PPM1E: variants seen among roughly 807,000 people sequenced by gnomAD.
The protein encoded by PPM1E is protein phosphatase 1E.
A neutral mutation model predicts 65.9 loss-of-function variants in PPM1E; 20 were observed. The observed-to-expected ratio is 0.30, with a 90% CI of 0.21 to 0.44. The LOEUF (loss-of-function observed/expected upper bound fraction) is 0.44, where lower values mean the gene tolerates loss of function less well. PPM1E is among the 20% of genes least tolerant of loss of function. PPM1E has a pLI of 1.00. For missense variants in PPM1E, 713 were observed against 953.1 expected, an observed-to-expected ratio of 0.75 and a Z score of 3.32; for synonymous variants, 352 against 374.9, an observed-to-expected ratio of 0.94 and a Z score of 0.70.
chr17:58,860,200 TTGCAGGCTTTGAAAGGGTATGAAG>T (rs1275860197), intron 1 of PPM1E, among the ~76,000 whole-genome samples: 1 of 152,172 alleles, frequency 6.6e-6, no homozygotes, highest in Non-Finnish European at 1.5e-5. Context: ...ATAGGAAGAT[TTGCAGGCTTTGAAAGGGTATGAAG>T]TATTAGACCT....
intron 1 of PPM1E, among the ~76,000 whole-genome samples, chr17:58,760,547 C>G (rs2049811704): frequency 1.3e-5 from 2 of 152,136 alleles, no homozygotes; most frequent in Non-Finnish European, 1.5e-5. Flanking sequence ...GCCAGTCTTA[C>G]CCTTCTGCAA....
chr17:58,827,581 G>A (rs1275352373), intron 1 of PPM1E, among the ~76,000 whole-genome samples: 4 of 152,052 alleles, frequency 2.6e-5, no homozygotes, highest in African/African-American at 9.7e-5. Context: ...GTCTAGGAGT[G>A]GGACATGAGA....
rs768456415 is a variant in PPM1E at position 58,980,136 on chromosome 17, A to G, written c.1373A>G (p.Asn458Ser). ...GTGTCCGACCACCTGAAAGAGAATA[A>G]TGGAGACAGCAGCATGGTTGCCCAC... is the stretch of plus-strand genomic sequence containing the variant. ...KVVSDHLKEN[N>S]GDSSMVAHKL... is the part of the protein sequence containing the mutation. The change falls in exon 7 of 7, where the codon AAT becomes AGT. Residue 458 changes from asparagine (N) to serine (S), a missense_variant. This residue lies in a region of PPM1E where 88 missense variants were observed against 231.1 expected (regional missense o/e 0.38). Coordinates refer to ENST00000308249, the MANE Select transcript of PPM1E (RefSeq NM_014906.5). The surrounding 1 kb of genome is among the most constrained non-coding windows in gnomAD (Gnocchi z 4.7). 7.4e-6 allele frequency: 12 copies of G among 1,614,000 alleles called. No individual in the cohort carries two copies. The highest frequency in any genetic ancestry group is 1.6e-4 in the Middle Eastern group (1 of 6,084).
Position 58,981,057 on chromosome 17 carries a change from C to T in PPM1E, c.*26C>T. 6.8e-7 allele frequency: 1 copy of T among 1,477,042 alleles called. No individual in the cohort carries two copies. Among genetic ancestry groups the T allele is most frequent in the Non-Finnish European group, 9.2e-7 (1 of 1,089,766 alleles). The allele number at this position is 1,477,042 out of a possible 1,614,324, so 91.5% of individuals were successfully genotyped here. On this transcript the variant is annotated 3_prime_UTR_variant, in exon 7 of 7. Coordinates refer to ENST00000308249, the MANE Select transcript of PPM1E (RefSeq NM_014906.5). ...TTTTTCTTTCAAGTAGGTTAGCTAG[C>T]TCTCCCCCAATAAAAATACCACTAT...
chr17:58,851,442 T>A (rs1004839754), intron 1 of PPM1E, among the ~76,000 whole-genome samples: 3 of 152,336 alleles, frequency 2.0e-5, no homozygotes, highest in African/African-American at 7.2e-5. Flanking sequence ...ATGATGGTGA[T>A]GTACAGATGG....
chr17:58,794,458 A>T (rs145383043), intron 1 of PPM1E, among the ~76,000 whole-genome samples: 405 of 152,222 alleles, frequency 2.7e-3, no homozygotes, highest in Non-Finnish European at 3.9e-3. Context: ...CAAGTTTGTT[A>T]TATAGATAAA....
chr17:58,816,130 G>A (rs1334066401), intron 1 of PPM1E, among the ~76,000 whole-genome samples: 1 of 152,000 alleles, frequency 6.6e-6, no homozygotes, highest in Non-Finnish European at 1.5e-5. Context: ...GGTTCAAGCA[G>A]TTCTCCTGCC....
intron 6 of PPM1E, among the ~76,000 whole-genome samples, chr17:58,975,064 T>A (rs2030910836): frequency 6.6e-6 from 1 of 152,198 alleles, no homozygotes; most frequent in African/African-American, 2.4e-5. Context: ...CATTGTAGGT[T>A]TAGCAGGACC....
intron 1 of PPM1E, among the ~76,000 whole-genome samples, chr17:58,834,499 G>C (rs1340923015): frequency 6.6e-6 from 1 of 152,032 alleles, no homozygotes; most frequent in African/African-American, 2.4e-5. Context: ...AGTTTCTCTT[G>C]TTTTTTCCCT....
At position 58,983,081 on chromosome 17, in the gene PPM1E, A is replaced by G; in HGVS notation, c.*2050A>G. 2 of 615,010 alleles carry G rather than the reference A, an allele frequency of 3.3e-6. No homozygotes were observed. Among genetic ancestry groups the G allele is most frequent in the South Asian group, 2.3e-5 (1 of 43,170 alleles). 38.1% of individuals were successfully genotyped at this position (615,010 alleles called of 1,614,324 possible). A position where few individuals can be genotyped will look rare whatever the true frequency, so the allele number is the denominator to read the frequency against. On this transcript the variant is annotated 3_prime_UTR_variant, in exon 7 of 7. Transcript: ENST00000308249. ...GGGTAAAGGGAAAAAGTTACTACACATGCTAGGCTTTCTCAGTGGGGAAAA... is the reference window on the plus strand; with the variant it reads ...GGGTAAAGGGAAAAAGTTACTACACGTGCTAGGCTTTCTCAGTGGGGAAAA...
intron 1 of PPM1E, among the ~76,000 whole-genome samples, chr17:58,825,039 G>A (rs1191860853): frequency 6.6e-6 from 1 of 151,872 alleles, no homozygotes; most frequent in Non-Finnish European, 1.5e-5. Flanking sequence ...TGGGAGTGGG[G>A]CGAGGGATAA....
At chr17:58,955,509 A>G in intron 1 of PPM1E, 140 bp from the exon 2 acceptor site, 2 of 963,776 alleles carry the variant, frequency 2.1e-6, no homozygotes, top group Non-Finnish European at 3.2e-6. Flanking sequence ...TGCCTACTCA[A>G]TAAATATTTA....
At chr17:58,822,978 A>C (rs1435997876) in intron 1 of PPM1E, among the ~76,000 whole-genome samples, 1 of 152,220 alleles carries the variant, frequency 6.6e-6, no homozygotes, top group African/African-American at 2.4e-5. Flanking sequence ...TATTGTGAAA[A>C]AAATATGTCA....
Position 58,985,088 on chromosome 17 carries a change from T to C in PPM1E, c.*4057T>C, listed in dbSNP as rs1353808094. On this transcript the variant is annotated 3_prime_UTR_variant, in exon 7 of 7. Coordinates refer to ENST00000308249, the MANE Select transcript of PPM1E (RefSeq NM_014906.5). Reference sequence around the variant, plus strand: ...TGAGTTCAGTTGTAGTCATGAGTGATCCTTCATATTTTATTAAAAGTGTTC... The same window carrying C: ...TGAGTTCAGTTGTAGTCATGAGTGACCCTTCATATTTTATTAAAAGTGTTC... 2 of 152,668 alleles carry C rather than the reference T, an allele frequency of 1.3e-5. No individual in the cohort carries two copies. Among genetic ancestry groups the C allele is most frequent in the African/African-American group, 4.8e-5 (2 of 41,468 alleles). The allele number at this position is 152,668 out of a possible 1,614,324, so 9.5% of individuals were successfully genotyped here.
chr17:58,810,866 T>C (rs1323406793), intron 1 of PPM1E, among the ~76,000 whole-genome samples: 1 of 152,194 alleles, frequency 6.6e-6, no homozygotes, highest in Non-Finnish European at 1.5e-5. Context: ...TCTGTTCTTT[T>C]CTTTTTTTTG....
chr17:58,918,163 A>G (rs1398301656), intron 1 of PPM1E, among the ~76,000 whole-genome samples: 2 of 152,196 alleles, frequency 1.3e-5, no homozygotes, highest in East Asian at 1.9e-4. Context: ...CACAGCAGGT[A>G]GTAAGTACTA....
intron 1 of PPM1E, among the ~76,000 whole-genome samples, chr17:58,787,534 A>G (rs1468098907): frequency 1.3e-5 from 2 of 152,128 alleles, no homozygotes; most frequent in Non-Finnish European, 2.9e-5. Flanking sequence ...TATTATTTCC[A>G]TGTGTGTAGC....
chr17:58,798,230 G>GTTTTTTTTTTTTTT (rs980535079), intron 1 of PPM1E, among the ~76,000 whole-genome samples: 1 of 130,040 alleles, frequency 7.7e-6, no homozygotes, highest in Non-Finnish European at 1.6e-5. Context: ...TTTTTTGTTT[G>GTTTTTTTTTTTTTT]TTTTTTTTTT....
At chr17:58,760,853 A>G (rs1413940953) in intron 1 of PPM1E, among the ~76,000 whole-genome samples, 5 of 152,224 alleles carry the variant, frequency 3.3e-5, no homozygotes. Context: ...AAGCTATTAT[A>G]CTTAGAGATA....
Sources: gnomAD v4.1 joint callset for allele counts (sites outside exome capture counted in the v4.1 genomes callset) on GRCh38, gnomAD v4.1.1 for gene constraint, gnomAD v4.1.1 regional missense constraint, Gnocchi (gnomAD v3.1) non-coding constraint, MANE v1.5 for transcripts, NCBI Gene and HGNC (gene_info 2026-07-23, HGNC 2026-07-21) for gene names.